PCDHGB6: variants seen among roughly 807,000 people sequenced by gnomAD.
The protein encoded by PCDHGB6 is protocadherin gamma subfamily B, 6, also known as protocadherin gamma-B6.
PCDHGB6 carries 51 observed loss-of-function variants against 59.1 expected under a neutral mutation model. The ratio of observed to expected loss-of-function variants is 0.86; its 90% CI spans 0.69 to 1.09. PCDHGB6 has a LOEUF of 1.09. Among genes scored for constraint, PCDHGB6 ranks in the 50% least tolerant of loss-of-function variants. The pLI, the probability that PCDHGB6 is intolerant of heterozygous loss-of-function variation, is 0.00. For synonymous variants in PCDHGB6, 466 were observed against 495.1 expected (o/e 0.94, Z 0.78); for missense variants, 1,148 against 1,205.1 (o/e 0.95, Z 0.70).
At chr5:141,418,441 A>G (rs2096258419) in intron 1 of PCDHGB6, 3 of 1,614,000 alleles carry the variant, frequency 1.9e-6, no homozygotes, top group South Asian at 1.1e-5. Flanking sequence ...ATCCAGAATT[A>G]GTATTGCAGA....
intron 1 of PCDHGB6, chr5:141,420,275 G>A: frequency 1.3e-6 from 2 of 1,524,576 alleles, no homozygotes; most frequent in Non-Finnish European, 1.8e-6. Flanking sequence ...TCTTAAACAG[G>A]TAAGTATTTA....
In PCDHGB6 at chr5:141,485,804, G is replaced by C; in HGVS notation, c.2419-9003G>C. 6.2e-7 allele frequency: 1 copy of C among 1,614,218 alleles called. No homozygotes were observed. The highest frequency in any genetic ancestry group is 1.3e-5 in the African/African-American group (1 of 75,060). The stretch of plus-strand genomic sequence containing the variant: ...AGAGAAGCAATCGGACTACCGCCTG[G>C]TGCTGACTGCTGTCGATGGAGGGAA... On this transcript the variant is annotated intron_variant, in intron 1 of 3. Coordinates refer to ENST00000520790, the MANE Select transcript of PCDHGB6 (RefSeq NM_018926.3). This position sits in a 1 kb window ranked among gnomAD's most constrained non-coding sequence, Gnocchi z 5.7.
Position 141,478,910 on chromosome 5 carries a change from A to G in PCDHGB6, c.2419-15897A>G, listed in dbSNP as rs568573298. On this transcript the variant is annotated intron_variant, in intron 1 of 3. Transcript: ENST00000520790. ...ATTTACATTAGGAATAAGCTGCTGG[A>G]TACCTCTAACCAGTGGCAGCTTCTA... 5.3e-4 allele frequency: 474 copies of G among 893,806 alleles called. 7 individuals are homozygous for G. The South Asian group carries it at 6.8e-3, about 13-fold the overall frequency. 55.4% of individuals were successfully genotyped at this position (893,806 alleles called of 1,614,324 possible).
intron 1 of PCDHGB6, chr5:141,478,473 A>G (rs2099458384): frequency 6.2e-7 from 1 of 1,613,742 alleles, no homozygotes; most frequent in African/African-American, 1.3e-5. Context: ...GCCAGCCGCC[A>G]GAACACGCTG....
intron 1 of PCDHGB6, chr5:141,430,857 A>G: frequency 1.3e-6 from 2 of 1,591,432 alleles, no homozygotes; most frequent in Non-Finnish European, 1.7e-6. Flanking sequence ...CAGATACGCT[A>G]TTCAGTTCCG....
rs79498912 is a variant in PCDHGB6 at position 141,410,404 on chromosome 5, G to A, written c.2202G>A (p.Lys734=). 0.02 allele frequency: 32,650 copies of A among 1,614,014 alleles called. 588 individuals carry two copies. Among genetic ancestry groups the A allele is most frequent in the African/African-American group, 0.088 (6,596 of 75,020 alleles). ...WDCFHPGLCV[K]SGPVVPPNYS... Reference sequence around the variant, plus strand: ...GCTTCCATCCTGGTCTCTGTGTCAAGTCTGGACCTGTAGTTCCCCCCAACT... The same window carrying A: ...GCTTCCATCCTGGTCTCTGTGTCAAATCTGGACCTGTAGTTCCCCCCAACT... The change falls in exon 1 of 4, where the codon AAG becomes AAA. Residue 734 remains lysine, a synonymous_variant. Transcript: ENST00000520790.
In PCDHGB6 at chr5:141,477,696, A is replaced by T. The variant is rs778604051; in HGVS notation, c.2419-17111A>T. The T allele has an allele frequency of 2.1e-5, 34 of 1,614,054 alleles. No individual in the cohort carries two copies. Among genetic ancestry groups the T allele is most frequent in the Non-Finnish European group, 2.9e-5 (34 of 1,180,044 alleles). On this transcript the variant is annotated intron_variant, in intron 1 of 3. Transcript: ENST00000520790. This position sits in a 1 kb window ranked among gnomAD's most constrained non-coding sequence, Gnocchi z 4.9. ...GTGTCATCCTTAGTGCCCCTAGACT[A>T]TGAGGATCGGCGGGAATTTGAATTA...
intron 2 of PCDHGB6, 80 bp downstream of exon 2, chr5:141,494,945 C>G (rs2099757788): frequency 6.2e-7 from 1 of 1,608,958 alleles, no homozygotes; most frequent in Non-Finnish European, 8.5e-7. Flanking sequence ...GGGGGAGGGC[C>G]CAGCATTTGC....
rs1281778338 is a variant in PCDHGB6, at chr5:141,512,281, G to A, written c.*1108G>A. ...TGGGTACTCCAGAGGTGCCACTGGTGGAAGGGTCAGCGGAGCCCCAGCAGG... is the reference window on the plus strand; with the variant it reads ...TGGGTACTCCAGAGGTGCCACTGGTAGAAGGGTCAGCGGAGCCCCAGCAGG... On this transcript the variant is annotated 3_prime_UTR_variant, in exon 4 of 4. Transcript: ENST00000520790. 6.5e-6 allele frequency: 1 copy of A among 152,810 alleles called. No homozygotes were observed. Among genetic ancestry groups the A allele is most frequent in the Non-Finnish European group, 1.5e-5 (1 of 68,178 alleles). The allele number at this position is 152,810 out of a possible 1,614,324, so 9.5% of individuals were successfully genotyped here.
chr5:141,430,017 CTTG>C (rs1203011013), intron 1 of PCDHGB6, among the ~76,000 whole-genome samples: 6 of 152,096 alleles, frequency 3.9e-5, no homozygotes, highest in African/African-American at 1.2e-4. Context: ...CACTTGGGTT[CTTG>C]TTAAGTGTGA....
chr5:141,462,036 G>A (rs760555655), intron 1 of PCDHGB6, among the ~76,000 whole-genome samples: 5 of 151,978 alleles, frequency 3.3e-5, no homozygotes, highest in African/African-American at 7.3e-5. Flanking sequence ...TTGGTCAGGC[G>A]GGTCTTGAAC....
At chr5:141,494,889 A>G (rs2099757275) in intron 2 of PCDHGB6, 24 bp downstream of exon 2, 1 of 1,613,844 alleles carries the variant, frequency 6.2e-7, no homozygotes, top group Admixed American at 1.7e-5. Context: ...TCTCCAGCCC[A>G]CCCTCTTCTC....
At position 141,432,644 on chromosome 5, in the gene PCDHGB6, G is replaced by A; in HGVS notation, c.2418+22024G>A. The A allele has an allele frequency of 1.2e-6, 2 of 1,613,812 alleles. No homozygotes were observed. The highest frequency in any genetic ancestry group is 1.7e-6 in the Non-Finnish European group (2 of 1,179,942). ...TCTGCACACGGGCGAGGTGCGCACG[G>A]CGCGAGCCCTGCTGGACAGAGACGC... On this transcript the variant is annotated intron_variant, in intron 1 of 3. Coordinates refer to ENST00000520790, the MANE Select transcript of PCDHGB6 (RefSeq NM_018926.3). The surrounding 1 kb of genome is among the most constrained non-coding windows in gnomAD (Gnocchi z 6.0).
intron 1 of PCDHGB6, chr5:141,413,709 C>T (rs998398149): frequency 2.4e-5 from 39 of 1,613,536 alleles, no homozygotes; most frequent in Non-Finnish European, 3.3e-5. Flanking sequence ...AGCTCAGCCC[C>T]AATAAGCACT....
intron 1 of PCDHGB6, among the ~76,000 whole-genome samples, chr5:141,473,366 A>T (rs1292258135): frequency 1.3e-5 from 2 of 152,202 alleles, no homozygotes; most frequent in Non-Finnish European, 2.9e-5. Context: ...GGCCACCAAA[A>T]TAGCATGGTC....
chr5:141,469,756 A>G (rs2099210350), intron 1 of PCDHGB6, among the ~76,000 whole-genome samples: 1 of 152,252 alleles, frequency 6.6e-6, no homozygotes. Context: ...ACAAAAATAC[A>G]TATATACCAG....
chr5:141,419,735 G>A (rs1013306543), intron 1 of PCDHGB6: 4 of 1,613,806 alleles, frequency 2.5e-6, no homozygotes, highest in Non-Finnish European at 3.4e-6. Flanking sequence ...AACAGGCGAG[G>A]TGCGCATGGT....
At chr5:141,505,816 C>A (rs1236221927) in intron 3 of PCDHGB6, among the ~76,000 whole-genome samples, 2 of 152,178 alleles carry the variant, frequency 1.3e-5, no homozygotes, top group African/African-American at 4.8e-5. Flanking sequence ...CTTGCTCAAT[C>A]TCTCTAAACC....
chr5:141,466,646 T>C (rs954003023), intron 1 of PCDHGB6, among the ~76,000 whole-genome samples: 11 of 152,210 alleles, frequency 7.2e-5, no homozygotes, highest in African/African-American at 2.4e-4. Context: ...CATAAACTTT[T>C]CACAAAACAT....
Sources: allele counts gnomAD v4.1 joint callset (sites outside exome capture counted in the v4.1 genomes callset), GRCh38; gene constraint gnomAD v4.1.1; non-coding constraint Gnocchi (gnomAD v3.1); transcripts MANE v1.5; gene names NCBI Gene and HGNC (gene_info 2026-07-23, HGNC 2026-07-21).